Variants in ADGRL3 observed in about 807,000 individuals in gnomAD.
The protein encoded by ADGRL3 is calcium-independent alpha-latrotoxin receptor 3.
Under a neutral mutation model 153.5 loss-of-function variants are expected in ADGRL3, and 62 were observed. That is an observed-to-expected ratio of 0.40 (90% confidence interval 0.33 to 0.50). The LOEUF (loss-of-function observed/expected upper bound fraction) is 0.50, where lower values mean the gene tolerates loss of function less well. ADGRL3 is among the 20% of genes least tolerant of loss of function. The probability of loss-of-function intolerance (pLI) is 0.47; values close to 1 mark genes in which losing one functional copy is unlikely to be tolerated. For synonymous variants in ADGRL3, 710 were observed against 672.5 expected (o/e 1.06, Z -0.86); for missense variants, 1,641 against 1,859.4 (o/e 0.88, Z 2.16).
At chr4:61,889,068 C>T (rs777360679) in intron 9 of ADGRL3, among the ~76,000 whole-genome samples, 1 of 152,198 alleles carries the variant, frequency 6.6e-6, no homozygotes, top group Non-Finnish European at 1.5e-5. Context: ...ATATTCTCCA[C>T]TGCCTTCTTG....
chr4:61,983,005 C>T (rs1057033859), intron 18 of ADGRL3, among the ~76,000 whole-genome samples: 31 of 152,120 alleles, frequency 2.0e-4, no homozygotes, highest in South Asian at 6.2e-4. Flanking sequence ...TATGTTCTAA[C>T]TCTAACTCTG....
chr4:61,764,445 T>C (rs1243537957), intron 8 of ADGRL3, among the ~76,000 whole-genome samples: 1 of 101,760 alleles, frequency 9.8e-6, no homozygotes, highest in Admixed American at 1.0e-4. Context: ...TGGGCAGGAG[T>C]GGGGGTCGCA....
At chr4:61,540,421 A>G (rs1036392241) in intron 4 of ADGRL3, among the ~76,000 whole-genome samples, 1 of 151,910 alleles carries the variant, frequency 6.6e-6, no homozygotes, top group Admixed American at 6.6e-5. Flanking sequence ...TAGTGGCACA[A>G]GCCTGTAATC....
chr4:61,229,199 G>A (rs1352987156), intron 1 of ADGRL3, among the ~76,000 whole-genome samples: 1 of 152,136 alleles, frequency 6.6e-6, no homozygotes, highest in Non-Finnish European at 1.5e-5. Flanking sequence ...TCAGCCAACT[G>A]TTTGCCCAAT....
At chr4:61,963,476 C>T (rs1283889185) in intron 17 of ADGRL3, among the ~76,000 whole-genome samples, 2 of 151,968 alleles carry the variant, frequency 1.3e-5, no homozygotes, top group East Asian at 3.9e-4. Context: ...TATGTGTAGT[C>T]GATATTTATC....
At chr4:61,879,786 C>T (rs2098498625) in intron 9 of ADGRL3, among the ~76,000 whole-genome samples, 1 of 152,082 alleles carries the variant, frequency 6.6e-6, no homozygotes, top group South Asian at 2.1e-4. Context: ...GTGGCACAAT[C>T]GTAGCTCACT....
chr4:61,472,420 G>A lies in ADGRL3; in HGVS notation c.-173-24701G>A, dbSNP rs562150843. ...GCAGTCTCATCTGAAGGCACAATTTGTGGAGAATCCACTTCCAAGCTTATT... is the reference window on the plus strand; with the variant it reads ...GCAGTCTCATCTGAAGGCACAATTTATGGAGAATCCACTTCCAAGCTTATT... On this transcript the variant is annotated intron_variant, in intron 2 of 26. Transcript: ENST00000683033. 4.0e-4 allele frequency among the ~76,000 whole-genome samples: 61 copies of A among 152,172 alleles called. 1 individual carries two copies. Among genetic ancestry groups the A allele is most frequent in the African/African-American group, 1.4e-3 (59 of 41,546 alleles).
chr4:61,300,007 G>A (rs1322664081), intron 1 of ADGRL3, among the ~76,000 whole-genome samples: 1 of 152,110 alleles, frequency 6.6e-6, no homozygotes, highest in Non-Finnish European at 1.5e-5. Flanking sequence ...ATGTTGCAGA[G>A]TGGGCTTTTT....
At chr4:61,785,357 C>T (rs759810190) in intron 8 of ADGRL3, among the ~76,000 whole-genome samples, 1 of 152,096 alleles carries the variant, frequency 6.6e-6, no homozygotes, top group Non-Finnish European at 1.5e-5. Flanking sequence ...CAAAGTGATG[C>T]AAAATTGGCA....
chr4:61,705,721 A>G (rs1329451632), intron 6 of ADGRL3, among the ~76,000 whole-genome samples: 2 of 151,958 alleles, frequency 1.3e-5, no homozygotes, highest in Admixed American at 6.6e-5. Context: ...CTGGTCTCAA[A>G]CTTCTCAGCT....
intron 1 of ADGRL3, among the ~76,000 whole-genome samples, chr4:61,312,865 C>T (rs527556420): frequency 3.3e-5 from 5 of 152,218 alleles, no homozygotes; most frequent in South Asian, 2.1e-4. Flanking sequence ...CAATTGTGCT[C>T]CTTGATATTT....
chr4:61,414,752 A>C (rs2097127810), intron 2 of ADGRL3, among the ~76,000 whole-genome samples: 1 of 151,982 alleles, frequency 6.6e-6, no homozygotes, highest in African/African-American at 2.4e-5. Flanking sequence ...TCTGGTTGTT[A>C]CATAAGTTGT....
chr4:62,031,956 TACACACACACACAC>T (rs146856591), intron 23 of ADGRL3, among the ~76,000 whole-genome samples: 3 of 137,850 alleles, frequency 2.2e-5, no homozygotes, highest in Admixed American at 7.8e-5. Context: ...GCATGAGTTA[TACACACACACACAC>T]ACACACACAC....
In ADGRL3 at chr4:61,899,533, C is replaced by CA. The variant is rs900430735; in HGVS notation, c.1887+3708dup. On this transcript the variant is annotated intron_variant, in intron 11 of 26. Coordinates refer to ENST00000683033, the MANE Select transcript of ADGRL3 (RefSeq NM_001387552.1). ...GAAAAAAAACCACAATATACACATG[C>CA]AAAAAAAAAGTATATATTTGAAATA... 1.7e-4 allele frequency among the ~76,000 whole-genome samples: 26 copies of CA among 150,648 alleles called. No individual in the cohort carries two copies. The East Asian group carries it at 3.1e-3, about 18-fold the overall frequency.
intron 6 of ADGRL3, among the ~76,000 whole-genome samples, chr4:61,727,499 G>C (rs2096369466): frequency 6.6e-6 from 1 of 152,076 alleles, no homozygotes; most frequent in African/African-American, 2.4e-5. Context: ...TAAAAAACAA[G>C]AGATCCTGAA....
intron 1 of ADGRL3, among the ~76,000 whole-genome samples, chr4:61,307,955 T>C (rs539921311): frequency 1.3e-5 from 2 of 152,200 alleles, no homozygotes; most frequent in Non-Finnish European, 2.9e-5. Context: ...TTAAAAACGC[T>C]AGTTGCCTCA....
At chr4:61,575,245 C>T (rs896557695) in intron 4 of ADGRL3, among the ~76,000 whole-genome samples, 10 of 151,976 alleles carry the variant, frequency 6.6e-5, no homozygotes, top group South Asian at 2.1e-4. Flanking sequence ...TTTTCAGCTT[C>T]CTCTAATAAG....
intron 1 of ADGRL3, among the ~76,000 whole-genome samples, chr4:61,345,993 C>G (rs1407744023): frequency 6.6e-6 from 1 of 152,126 alleles, no homozygotes; most frequent in Non-Finnish European, 1.5e-5. Flanking sequence ...ATTCATTTGT[C>G]AAACCTTTTC....
At chr4:61,814,873 A>T (rs1239686842) in intron 9 of ADGRL3, among the ~76,000 whole-genome samples, 5 of 152,038 alleles carry the variant, frequency 3.3e-5, no homozygotes, top group African/African-American at 1.2e-4. Flanking sequence ...TGCTTGCCTC[A>T]GTTATTACAC....
Sources: allele counts gnomAD v4.1 joint callset (sites outside exome capture counted in the v4.1 genomes callset), GRCh38; gene constraint gnomAD v4.1.1; transcripts MANE v1.5; gene names NCBI Gene and HGNC (gene_info 2026-07-23, HGNC 2026-07-21).